LYZL4: variants seen among roughly 807,000 people sequenced by gnomAD.
LYZL4 encodes the protein lysozyme-like protein 4.
In LYZL4, 13 loss-of-function variants were observed where a neutral mutation model predicts 17.6. That is an observed-to-expected ratio of 0.74 (90% confidence interval 0.48 to 1.18). The LOEUF (loss-of-function observed/expected upper bound fraction) is 1.18, where lower values mean the gene tolerates loss of function less well. Ranked by LOEUF, LYZL4 falls within the 50% of genes most tolerant of loss-of-function variation. The pLI is 0.00. For synonymous variants in LYZL4, 64 were observed against 67.7 expected (o/e 0.95, Z 0.27); for missense variants, 174 against 188.2 (o/e 0.92, Z 0.44).
At chr3:42,384,782 G>T in the LYZL4 span, among the ~76,000 whole-genome samples, 29 of 151,250 alleles carry the variant, frequency 1.9e-4, no homozygotes, top group African/African-American at 6.5e-4. Flanking sequence ...GGAAGGATGG[G>T]GTGTGTGTGT....
chr3:42,362,199 G>A, the LYZL4 span, among the ~76,000 whole-genome samples: 1 of 152,118 alleles, frequency 6.6e-6, no homozygotes, highest in East Asian at 1.9e-4. Flanking sequence ...TCCTTATTCT[G>A]AAAATTATAA....
At chr3:42,398,672 A>G (rs984516554) in intron 4 of LYZL4, among the ~76,000 whole-genome samples, 5 of 152,234 alleles carry the variant, frequency 3.3e-5, no homozygotes, top group Admixed American at 2.0e-4. Context: ...AGCATTAAAA[A>G]CATAAAATCA....
chr3:42,387,565 TCC>T, the LYZL4 span, among the ~76,000 whole-genome samples: 1 of 151,574 alleles, frequency 6.6e-6, no homozygotes, highest in Non-Finnish European at 1.5e-5. Context: ...ACATGCCGCC[TCC>T]CCCCAACCCC....
At chr3:42,407,989 G>A (rs1199459437) in intron 1 of LYZL4, among the ~76,000 whole-genome samples, 1 of 152,168 alleles carries the variant, frequency 6.6e-6, no homozygotes, top group Non-Finnish European at 1.5e-5. Context: ...TCACTTGGGA[G>A]GGGAGCGCAC....
the LYZL4 span, among the ~76,000 whole-genome samples, chr3:42,371,158 T>G: frequency 6.6e-6 from 1 of 152,242 alleles, no homozygotes; most frequent in African/African-American, 2.4e-5. Flanking sequence ...TAATACTGGA[T>G]GCACTTGCCC....
the LYZL4 span, among the ~76,000 whole-genome samples, chr3:42,366,334 C>T: frequency 2.6e-5 from 4 of 152,296 alleles, no homozygotes; most frequent in Admixed American, 1.3e-4. Context: ...TGCCAGAACA[C>T]GGGGAGTAGA....
chr3:42,361,504 G>A, the LYZL4 span, among the ~76,000 whole-genome samples: 1 of 152,012 alleles, frequency 6.6e-6, no homozygotes, highest in Non-Finnish European at 1.5e-5. Flanking sequence ...AAAAATTAAG[G>A]TATTCCTCTT....
intron 2 of LYZL4, 31 bp downstream of exon 2, chr3:42,407,082 G>A (rs1698769082): frequency 1.2e-6 from 2 of 1,614,032 alleles, no homozygotes; most frequent in Non-Finnish European, 1.7e-6. Flanking sequence ...AAGGAGGTGA[G>A]AGGAGGGAGC....
chr3:42,377,659 G>C, the LYZL4 span, among the ~76,000 whole-genome samples: 1 of 150,760 alleles, frequency 6.6e-6, no homozygotes, highest in South Asian at 2.1e-4. Flanking sequence ...GTGTGTGTGT[G>C]TGTGTGTGTC....
chr3:42,394,844 C>T (rs1166402249), downstream of LYZL4, among the ~76,000 whole-genome samples: 1 of 152,184 alleles, frequency 6.6e-6, no homozygotes, highest in Non-Finnish European at 1.5e-5. Flanking sequence ...GGCGGCAGCG[C>T]GCTGGATTTG....
downstream of LYZL4, among the ~76,000 whole-genome samples, chr3:42,392,240 G>A (rs1698490428): frequency 1.3e-5 from 2 of 152,250 alleles, no homozygotes; most frequent in South Asian, 2.1e-4. Flanking sequence ...TTAGCTGGGA[G>A]CACCCGCAGT....
the LYZL4 span, among the ~76,000 whole-genome samples, chr3:42,387,321 A>G: frequency 6.6e-6 from 1 of 152,252 alleles, no homozygotes; most frequent in South Asian, 2.1e-4. Context: ...GAAGGACTTC[A>G]TGAGATAACT....
chr3:42,402,463 A>G (rs1378225359), intron 4 of LYZL4, among the ~76,000 whole-genome samples: 1 of 152,176 alleles, frequency 6.6e-6, no homozygotes, highest in Non-Finnish European at 1.5e-5. Context: ...AGAAAAAGAC[A>G]GCACAATAGA....
chr3:42,375,869 T>C, the LYZL4 span, among the ~76,000 whole-genome samples: 9 of 152,216 alleles, frequency 5.9e-5, no homozygotes, highest in Non-Finnish European at 8.8e-5. Context: ...GTTATAAAGA[T>C]GGAATGAATT....
intron 4 of LYZL4, among the ~76,000 whole-genome samples, chr3:42,402,500 A>T (rs1055589388): frequency 4.6e-5 from 7 of 152,228 alleles, no homozygotes; most frequent in Non-Finnish European, 7.3e-5. Context: ...TTGAAGAGGC[A>T]CTTCACCAAA....
At chr3:42,386,196 G>A in the LYZL4 span, among the ~76,000 whole-genome samples, 2 of 152,036 alleles carry the variant, frequency 1.3e-5, no homozygotes, top group Admixed American at 6.5e-5. Flanking sequence ...TCCACCTCCC[G>A]GGTTCAAGAG....
At chr3:42,375,073 A>G in the LYZL4 span, among the ~76,000 whole-genome samples, 1 of 152,110 alleles carries the variant, frequency 6.6e-6, no homozygotes, top group African/African-American at 2.4e-5. Context: ...AGCCTCCCAA[A>G]GTGCTGGGAT....
downstream of LYZL4, among the ~76,000 whole-genome samples, chr3:42,396,090 A>G (rs1327334761): frequency 1.3e-5 from 2 of 152,200 alleles, no homozygotes; most frequent in South Asian, 2.1e-4. Flanking sequence ...AAAAGAAAAC[A>G]TCTAAGAGTA....
At chr3:42,389,507 C>T in the LYZL4 span, among the ~76,000 whole-genome samples, 4 of 152,204 alleles carry the variant, frequency 2.6e-5, no homozygotes, top group Non-Finnish European at 4.4e-5. Flanking sequence ...ACTAATTCCA[C>T]GGAGCCTCTG....
Sources: gnomAD v4.1 joint callset for allele counts (sites outside exome capture counted in the v4.1 genomes callset) on GRCh38, gnomAD v4.1.1 for gene constraint, MANE v1.5 for transcripts, NCBI Gene and HGNC (gene_info 2026-07-23, HGNC 2026-07-21) for gene names.